The following TNC variants were observed in gnomAD, a reference collection of about 807,000 sequenced individuals.
The protein encoded by TNC is tenascin.
Under a neutral mutation model 202.4 loss-of-function variants are expected in TNC, and 109 were observed. The ratio of observed to expected loss-of-function variants is 0.54; its 90% CI spans 0.46 to 0.63. The LOEUF (loss-of-function observed/expected upper bound fraction) is 0.63, where lower values mean the gene tolerates loss of function less well. Ranked by LOEUF, TNC falls within the 30% of genes least tolerant of loss-of-function variation. The pLI is 0.00. For synonymous variants in TNC, 1,007 were observed against 1,089.7 expected (o/e 0.92, Z 1.50); for missense variants, 2,756 against 2,833.3 (o/e 0.97, Z 0.62).
At position 115,023,959 on chromosome 9, in the gene TNC, C is replaced by T. The variant is rs368352436; in HGVS notation, c.6495+14G>A. On this transcript the variant is annotated intron_variant, in intron 27 of 27. Transcript: ENST00000350763. Reference sequence around the variant, plus strand: ...CCAAGCTTGGCCTGCTCTGGGCCCTCACGGTCCACTCACCTGACTGTGGTT... The same window carrying T: ...CCAAGCTTGGCCTGCTCTGGGCCCTTACGGTCCACTCACCTGACTGTGGTT... The T allele has an allele frequency of 4.3e-6, 7 of 1,611,198 alleles. No homozygotes were observed. In the African/African-American group the frequency reaches 6.7e-5, roughly 15 times the overall value.
chr9:115,034,119 G>T (rs920591553), intron 22 of TNC, among the ~76,000 whole-genome samples: 1 of 152,204 alleles, frequency 6.6e-6, no homozygotes, highest in East Asian at 1.9e-4. Context: ...GTAGGCTGAG[G>T]TTTACTCTCT....
chr9:115,022,146 G>A (rs1176316804), intron 27 of TNC, among the ~76,000 whole-genome samples: 1 of 152,242 alleles, frequency 6.6e-6, no homozygotes, highest in Admixed American at 6.5e-5. Context: ...TTAATGGCTA[G>A]TGAGATGGGA....
rs760415756 is a variant in TNC, at chr9:115,076,451, C to T, written c.2799G>A (p.Gly933=). The change falls in exon 8 of 28, where the codon GGG becomes GGA. Residue 933 remains glycine (G), a synonymous_variant. Transcript: ENST00000350763. ...TTGGAACATCAACCTCAGCGTGGTC[C>T]CCTCCAGAGATGGGGGCATACTTAA... ...YRIKYAPISG[G]DHAEVDVPKS... 1 of 1,614,110 alleles carries T rather than the reference C, an allele frequency of 6.2e-7. No homozygotes were observed. Among genetic ancestry groups the T allele is most frequent in the South Asian group, 1.1e-5 (1 of 91,070 alleles).
chr9:115,081,125 C>T (rs1737763857), intron 6 of TNC, among the ~76,000 whole-genome samples: 1 of 152,162 alleles, frequency 6.6e-6, no homozygotes, highest in East Asian at 1.9e-4. Context: ...AAAACTTACC[C>T]TGGCTTAAAG....
At chr9:115,114,418 C>T (rs1026385321) in intron 1 of TNC, among the ~76,000 whole-genome samples, 1 of 152,204 alleles carries the variant, frequency 6.6e-6, no homozygotes, top group Non-Finnish European at 1.5e-5. Context: ...TTTGGCTCAC[C>T]TGTGTGCCTA....
intron 1 of TNC, among the ~76,000 whole-genome samples, chr9:115,117,033 C>T (rs1837517758): frequency 1.3e-5 from 2 of 152,148 alleles, no homozygotes; most frequent in Admixed American, 1.3e-4. Flanking sequence ...CTTTCTATAC[C>T]TCATTTTCTC....
At chr9:115,032,680 G>A (rs1249077490) in intron 22 of TNC, among the ~76,000 whole-genome samples, 1 of 152,196 alleles carries the variant, frequency 6.6e-6, no homozygotes, top group Non-Finnish European at 1.5e-5. Flanking sequence ...TCTTGAGTTA[G>A]GAGATGATTA....
chr9:115,030,143 CAT>C, intron 24 of TNC, 109 bp downstream of exon 24: 1 of 1,168,424 alleles, frequency 8.6e-7, no homozygotes, highest in Non-Finnish European at 1.2e-6. Context: ...AGGCCTCACA[CAT>C]GGGGGTGTCA....
intron 2 of TNC, among the ~76,000 whole-genome samples, chr9:115,089,392 ATTC>A (rs1425404690): frequency 6.6e-6 from 1 of 152,234 alleles, no homozygotes; most frequent in South Asian, 2.1e-4. Context: ...AAGCAGCAAA[ATTC>A]CTTGAAATAG....
In TNC at chr9:115,087,155, G is replaced by T. The variant is rs1834826444; in HGVS notation, c.576C>A (p.Gly192=). 6.2e-7 allele frequency: 1 copy of T among 1,614,120 alleles called. No homozygotes were observed. Among genetic ancestry groups the T allele is most frequent in the Non-Finnish European group, 8.5e-7 (1 of 1,180,062 alleles). The part of the protein sequence containing the change: ...GPNCSEPECP[G]NCHLRGRCID... ...TGCACCGGCCTCGAAGGTGACAGTTGCCTGGACATTCGGGCTCAGAGCAGT... is the reference window on the plus strand; with the variant it reads ...TGCACCGGCCTCGAAGGTGACAGTTTCCTGGACATTCGGGCTCAGAGCAGT... Residue 192 remains glycine (G), a synonymous_variant, in exon 3 of 28, where the codon GGC becomes GGA. Transcript: ENST00000350763.
At chr9:115,030,111 G>T in intron 24 of TNC, 143 bp downstream of exon 24, 1 of 808,896 alleles carries the variant, frequency 1.2e-6, no homozygotes. Context: ...GAGTGCCTCT[G>T]TGTGACAGGC....
At position 115,086,498 on chromosome 9, in the gene TNC, G is replaced by A; in HGVS notation, c.1233C>T (p.Gly411=). ...TGACACAGCGGCCATGGCCACTGCA[G>A]CCATTGGGACACTTGAGCTCCCCAC... ...ADCGELKCPN[G]CSGHGRCVNG... is the part of the protein sequence containing the mutation. The change falls in exon 3 of 28, where the codon GGC becomes GGT. Residue 411 remains glycine (G), a synonymous_variant. Transcript: ENST00000350763. 2 of 1,613,812 alleles carry A rather than the reference G, an allele frequency of 1.2e-6. No individual in the cohort carries two copies. Among genetic ancestry groups the A allele is most frequent in the Non-Finnish European group, 1.7e-6 (2 of 1,180,010 alleles).
chr9:115,068,482 C>G (rs1833118356), intron 10 of TNC, among the ~76,000 whole-genome samples: 1 of 152,178 alleles, frequency 6.6e-6, no homozygotes, highest in Non-Finnish European at 1.5e-5. Context: ...TCTCCCACAG[C>G]AGGGGCATGG....
intron 6 of TNC, among the ~76,000 whole-genome samples, chr9:115,081,190 G>A (rs962004540): frequency 6.6e-6 from 1 of 152,158 alleles, no homozygotes; most frequent in African/African-American, 2.4e-5. Flanking sequence ...GCTTCTTTAA[G>A]CCTTAACATT....
intron 4 of TNC, among the ~76,000 whole-genome samples, chr9:115,083,489 C>T (rs1257070295): frequency 6.6e-6 from 1 of 152,132 alleles, no homozygotes; most frequent in Non-Finnish European, 1.5e-5. Context: ...TCCTTGTTAG[C>T]TGCATGACTT....
In TNC at chr9:115,068,022, A is replaced by AG. The variant is rs1365945296; in HGVS notation, c.3215-3104dup. 1.2e-4 allele frequency among the ~76,000 whole-genome samples: 18 copies of AG among 152,214 alleles called. No individual in the cohort carries two copies. The South Asian group carries it at 2.1e-3, about 18-fold the overall frequency. On this transcript the variant is annotated intron_variant, in intron 10 of 27. Transcript: ENST00000350763. ...AAATCAGTAGCTAAATTAAAGAGAGAGGGGGTCAGAATTATGAAAGAAGGG... is the reference window on the plus strand; with the variant it reads ...AAATCAGTAGCTAAATTAAAGAGAGAGGGGGGTCAGAATTATGAAAGAAGGG...
At chr9:115,066,952 A>G (rs938462848) in intron 10 of TNC, among the ~76,000 whole-genome samples, 2 of 152,218 alleles carry the variant, frequency 1.3e-5, no homozygotes, top group Non-Finnish European at 2.9e-5. Context: ...AATGTTTGCA[A>G]TACTTGATCT....
rs1394493737 is a variant in TNC at position 115,036,143 on chromosome 9, T to C, written c.5611A>G (p.Lys1871Glu). Reference sequence around the variant, plus strand: ...ATGGTTGAGCTCTTCTGGGGCCCTTTCTCTGCAAAGATTCTCAGTGTGTAT... The same window carrying C: ...ATGGTTGAGCTCTTCTGGGGCCCTTCCTCTGCAAAGATTCTCAGTGTGTAT... ...TEYTLRIFAE[K>E]GPQKSSTITA... Residue 1871 changes from lysine to glutamate, a missense_variant, in exon 21 of 28, where the codon AAA becomes GAA. This residue lies in a region of TNC where 2,559 missense variants were observed against 2,546.0 expected (regional missense o/e 1.01). Transcript: ENST00000350763. 6.2e-7 allele frequency: 1 copy of C among 1,614,186 alleles called. No individual in the cohort carries two copies. Among genetic ancestry groups the C allele is most frequent in the Non-Finnish European group, 8.5e-7 (1 of 1,180,014 alleles).
At chr9:115,029,214 A>T in intron 25 of TNC, 146 bp downstream of exon 25, 1 of 667,234 alleles carries the variant, frequency 1.5e-6, no homozygotes, top group South Asian at 1.9e-5. Context: ...AGTCTTTTTC[A>T]TTAAGAATTT....
Sources: allele counts gnomAD v4.1 joint callset (sites outside exome capture counted in the v4.1 genomes callset), GRCh38; gene constraint gnomAD v4.1.1; regional missense constraint gnomAD v4.1.1; transcripts MANE v1.5; gene names NCBI Gene and HGNC (gene_info 2026-07-23, HGNC 2026-07-21).